Variants in MYH11 observed in about 807,000 individuals in gnomAD.
MYH11 encodes myosin-11.
Under a neutral mutation model 246.6 loss-of-function variants are expected in MYH11, and 80 were observed. That is an observed-to-expected ratio of 0.32 (90% CI 0.27 to 0.39). MYH11 has a LOEUF of 0.39. Ranked by LOEUF, MYH11 falls within the 10% of genes least tolerant of loss-of-function variation. MYH11 has a pLI of 1.00. For synonymous variants in MYH11, 1,071 were observed against 1,015.5 expected, an observed-to-expected ratio of 1.05 and a Z score of -1.04; for missense variants, 2,158 against 2,546.8, an observed-to-expected ratio of 0.85 and a Z score of 3.29.
At chr16:15,810,713 C>T (rs746695054) in intron 3 of MYH11, among the ~76,000 whole-genome samples, 1 of 152,166 alleles carries the variant, frequency 6.6e-6, no homozygotes, top group Non-Finnish European at 1.5e-5. Flanking sequence ...CCCCAGGGCC[C>T]GTTTCCTCAC....
chr16:15,794,195 C>T (rs915052004), intron 4 of MYH11, among the ~76,000 whole-genome samples: 1 of 152,068 alleles, frequency 6.6e-6, no homozygotes, highest in African/African-American at 2.4e-5. Flanking sequence ...ATCCGCCCGC[C>T]TCGGCCTCCC....
intron 15 of MYH11, among the ~76,000 whole-genome samples, chr16:15,751,553 C>T (rs1231949114): frequency 6.6e-6 from 1 of 151,742 alleles, no homozygotes; most frequent in Non-Finnish European, 1.5e-5. Flanking sequence ...AAGCCCAACC[C>T]ACAGGCCATG....
chr16:15,830,047 A>G (rs1291203491), intron 2 of MYH11, among the ~76,000 whole-genome samples: 2 of 152,040 alleles, frequency 1.3e-5, no homozygotes, highest in Non-Finnish European at 2.9e-5. Flanking sequence ...AGGCAGGAGA[A>G]CTGCTTGAAC....
At position 15,800,154 on chromosome 16, in the gene MYH11, G is replaced by A. The variant is rs190285318; in HGVS notation, c.503-1467C>T. 1.2e-4 allele frequency among the ~76,000 whole-genome samples: 18 copies of A among 151,482 alleles called. 1 individual carries two copies. The highest frequency in any genetic ancestry group is 5.9e-4 in the East Asian group (3 of 5,128). On this transcript the variant is annotated intron_variant, in intron 3 of 40. Coordinates refer to ENST00000300036, the MANE Select transcript of MYH11 (RefSeq NM_002474.3). ...TGGATAGATGAGTAGATGGATGGGA[G>A]GATGGAAGAAGAGGTGGATGGGCAA...
chr16:15,738,666 C>T lies in MYH11; in HGVS notation c.3020G>A (p.Arg1007Lys), dbSNP rs1357435865. 4 of 1,613,788 alleles carry T rather than the reference C, an allele frequency of 2.5e-6. No individual in the cohort carries two copies. In the African/African-American group the frequency reaches 5.3e-5, roughly 22 times the overall value. Residue 1007 changes from arginine to lysine, a missense_variant, in exon 24 of 41, where the codon AGG becomes AAG. By Grantham distance (26) the Arg-to-Lys change is conservative. Transcript: ENST00000300036. ...AAGATTTGTCGTTAAGTCACTAATC[C>T]TCTCCTCAAGGAGTTTTCGTTCCTT... ...LSKERKLLEE[R>K]ISDLTTNLAE... is the part of the protein sequence containing the mutation.
chr16:15,811,698 GC>G, intron 3 of MYH11, among the ~76,000 whole-genome samples: 1 of 152,046 alleles, frequency 6.6e-6, no homozygotes, highest in Non-Finnish European at 1.5e-5. Context: ...GAAGGATACA[GC>G]CGAGTGTGGG....
At chr16:15,835,855 G>A (rs1250317204) in intron 2 of MYH11, among the ~76,000 whole-genome samples, 1 of 151,216 alleles carries the variant, frequency 6.6e-6, no homozygotes, top group Non-Finnish European at 1.5e-5. Context: ...CTGGGCTCAA[G>A]TGATCCTCCT....
chr16:15,740,021 C>T lies in MYH11; in HGVS notation c.2997+30G>A, dbSNP rs374335652. ...CCTCCCAAAGTGCTCGGATTATAGG[C>T]GTGAGCCACTGCACCCGGCCCCTAC... On this transcript the variant is annotated intron_variant, in intron 23 of 40. Coordinates refer to ENST00000300036, the MANE Select transcript of MYH11 (RefSeq NM_002474.3). 323 of 1,611,716 alleles carry T rather than the reference C, an allele frequency of 2.0e-4. 1 individual carries two copies. The highest frequency in any genetic ancestry group is 1.1e-3 in the South Asian group (100 of 91,062).
chr16:15,739,965 C>T (rs2041224815), intron 23 of MYH11, 86 bp downstream of exon 23: 1 of 1,440,390 alleles, frequency 6.9e-7, no homozygotes, highest in Non-Finnish European at 9.7e-7. Flanking sequence ...TAGTCTCAAA[C>T]TCCTGGCCTC....
intron 3 of MYH11, among the ~76,000 whole-genome samples, chr16:15,803,116 A>G (rs955600449): frequency 2.6e-5 from 4 of 151,712 alleles, no homozygotes; most frequent in African/African-American, 9.7e-5. Flanking sequence ...CAGCCTGGGC[A>G]ACAGAGCAAG....
chr16:15,829,583 C>T (rs1242136855), intron 2 of MYH11, among the ~76,000 whole-genome samples: 1 of 152,196 alleles, frequency 6.6e-6, no homozygotes, highest in Non-Finnish European at 1.5e-5. Flanking sequence ...CCCTCTCCAG[C>T]TGGTTAAATT....
intron 8 of MYH11, chr16:15,775,763 C>T: frequency 2.7e-6 from 1 of 368,094 alleles, no homozygotes; most frequent in Non-Finnish European, 4.9e-6. Context: ...TTCTCCCTTT[C>T]CTTGAAGGCG....
chr16:15,832,924 T>C (rs2043777873), intron 2 of MYH11, among the ~76,000 whole-genome samples: 1 of 145,548 alleles, frequency 6.9e-6, no homozygotes, highest in Non-Finnish European at 1.5e-5. Context: ...TAAGCACATC[T>C]GAGCTTCAGC....
chr16:15,814,553 C>CAAAAAAAA lies in MYH11; in HGVS notation c.502+8694_502+8701dup, dbSNP rs58806731. Among the ~76,000 whole-genome samples the CAAAAAAAA allele has an allele frequency of 3.2e-3, 74 of 22,808 alleles. 1 individual carries two copies. The highest frequency in any genetic ancestry group is 0.042 in the Middle Eastern group (1 of 24). 15.0% of individuals were successfully genotyped at this position (22,808 alleles called of 152,430 possible). A position where few individuals can be genotyped will look rare whatever the true frequency, so the allele number is the denominator to read the frequency against. On this transcript the variant is annotated intron_variant, in intron 3 of 40. Transcript: ENST00000300036. ...GGACAACGAGAGTGAAACTCCATCT[C>CAAAAAAAA]AAAAAAAAAAAAAAAAAAAAAAAAA...
intron 7 of MYH11, 115 bp from the exon 8 acceptor site, chr16:15,776,291 G>C: frequency 2.6e-6 from 2 of 761,612 alleles, no homozygotes; most frequent in Non-Finnish European, 4.7e-6. Context: ...CTACCCCTGG[G>C]ATCGGTAATG....
At chr16:15,839,609 G>A (rs1199065754) in intron 1 of MYH11, among the ~76,000 whole-genome samples, 3 of 151,742 alleles carry the variant, frequency 2.0e-5, no homozygotes, top group Non-Finnish European at 4.4e-5. Flanking sequence ...CAAGAGGATT[G>A]CTTGAACCCA....
chr16:15,852,143 A>G (rs1267558166), intron 1 of MYH11, among the ~76,000 whole-genome samples: 1 of 152,062 alleles, frequency 6.6e-6, no homozygotes, highest in Non-Finnish European at 1.5e-5. Context: ...CTCCACCTGC[A>G]AGGGATCTAG....
intron 1 of MYH11, among the ~76,000 whole-genome samples, chr16:15,853,480 GA>G (rs910918927): frequency 2.6e-5 from 4 of 152,110 alleles, no homozygotes; most frequent in African/African-American, 9.7e-5. Flanking sequence ...CAACTTTGAT[GA>G]GGTTGTTCCT....
intron 3 of MYH11, among the ~76,000 whole-genome samples, chr16:15,814,025 T>C (rs2043199634): frequency 6.6e-6 from 1 of 151,686 alleles, no homozygotes; most frequent in African/African-American, 2.4e-5. Flanking sequence ...GCACCTGTAA[T>C]CCCAGCTACT....
Sources: gnomAD v4.1 joint callset for allele counts (sites outside exome capture counted in the v4.1 genomes callset) on GRCh38, gnomAD v4.1.1 for gene constraint, MANE v1.5 for transcripts, NCBI Gene and HGNC (gene_info 2026-07-23, HGNC 2026-07-21) for gene names.